The following WASHC4 variants were observed in gnomAD, a reference collection of about 807,000 sequenced individuals.
WASHC4 encodes WASH complex subunit 4.
In WASHC4, 86 loss-of-function variants were observed where a neutral mutation model predicts 166.6. That is an observed-to-expected ratio of 0.52 (90% confidence interval 0.43 to 0.62). The LOEUF is 0.62. WASHC4 is among the 20% of genes least tolerant of loss of function. WASHC4 has a pLI of 0.00. For synonymous variants in WASHC4, 446 were observed against 451.6 expected (o/e 0.99, Z 0.16); for missense variants, 1,262 against 1,382.4 (o/e 0.91, Z 1.38).
chr12:105,107,842 C>A lies in WASHC4; in HGVS notation c.42C>A (p.Arg14=). ...ETLSPDWEFD[R]VDDGSQKIHA... Reference sequence around the variant, plus strand: ...TGTCCCCGGACTGGGAGTTTGACCGCGTTGACGACGGCTCGCAGAGTAAGG... The same window carrying A: ...TGTCCCCGGACTGGGAGTTTGACCGAGTTGACGACGGCTCGCAGAGTAAGG... Residue 14 remains arginine (R), a synonymous_variant, in exon 1 of 33, where the codon CGC becomes CGA. Transcript: ENST00000332180. 1 of 1,550,722 alleles carries A rather than the reference C, an allele frequency of 6.4e-7. No individual in the cohort carries two copies. The highest frequency in any genetic ancestry group is 8.7e-7 in the Non-Finnish European group (1 of 1,146,294).
chr12:105,110,671 T>C (rs1406668458), intron 1 of WASHC4, among the ~76,000 whole-genome samples: 2 of 152,236 alleles, frequency 1.3e-5, no homozygotes, highest in African/African-American at 4.8e-5. Flanking sequence ...TATTAAACAT[T>C]AGTGTGTATA....
At position 105,168,094 on chromosome 12, in the gene WASHC4, A is replaced by AT. The variant is rs1555242775; in HGVS notation, c.*1170dup. ...CAAACACCATTTTGGGAAATGCTTGATTTTTTTCTATTGCATTTGTCTGCT... is the reference window on the plus strand; with the variant it reads ...CAAACACCATTTTGGGAAATGCTTGATTTTTTTTCTATTGCATTTGTCTGCT... On this transcript the variant is annotated 3_prime_UTR_variant, in exon 33 of 33. Coordinates refer to ENST00000332180, the MANE Select transcript of WASHC4 (RefSeq NM_015275.3). The AT allele has an allele frequency of 1.3e-5, 2 of 152,046 alleles. No individual in the cohort carries two copies. Among genetic ancestry groups the AT allele is most frequent in the Non-Finnish European group, 2.9e-5 (2 of 67,916 alleles). 9.4% of individuals were successfully genotyped at this position (152,046 alleles called of 1,614,324 possible).
chr12:105,140,979 A>G lies in WASHC4; in HGVS notation c.1641A>G (p.Leu547=), dbSNP rs144832145. 1,781 of 1,614,168 alleles carry G rather than the reference A, an allele frequency of 1.1e-3. 15 individuals carry two copies. The African/African-American group carries it at 0.02, about 18-fold the overall frequency. The change falls in exon 17 of 33, where the codon CTA becomes CTG. Residue 547 remains leucine, a synonymous_variant. Transcript: ENST00000332180. The stretch of plus-strand genomic sequence containing the variant: ...CTCTAGTTTTGGCTGAAAACACTCT[A>G]AATGGACCAAGCACAAAGCAACGGC... ...LSALVLAENT[L]NGPSTKQRRL... is the part of the protein sequence containing the mutation.
Position 105,167,102 on chromosome 12 carries a change from G to T in WASHC4, c.*171G>T, listed in dbSNP as rs1884854661. On this transcript the variant is annotated 3_prime_UTR_variant, in exon 33 of 33. Coordinates refer to ENST00000332180, the MANE Select transcript of WASHC4 (RefSeq NM_015275.3). ...AGTGAAGTTCATTCTGTTTCCAAAGGCTCTACTTTCAAAGGTTAAGAATGA... is the reference window on the plus strand; with the variant it reads ...AGTGAAGTTCATTCTGTTTCCAAAGTCTCTACTTTCAAAGGTTAAGAATGA... The T allele has an allele frequency of 1.7e-6, 1 of 598,026 alleles. No homozygotes were observed. The highest frequency in any genetic ancestry group is 3.0e-6 in the Non-Finnish European group (1 of 332,068). 37.0% of individuals were successfully genotyped at this position (598,026 alleles called of 1,614,324 possible).
At chr12:105,144,508 T>C in intron 21 of WASHC4, 53 bp downstream of exon 21, 1 of 1,268,276 alleles carries the variant, frequency 7.9e-7, no homozygotes, top group Non-Finnish European at 1.1e-6. Flanking sequence ...TTTTTTTTTT[T>C]ACCCTACTGT....
At chr12:105,130,643 G>A (rs1421074216) in intron 13 of WASHC4, among the ~76,000 whole-genome samples, 3 of 152,168 alleles carry the variant, frequency 2.0e-5, no homozygotes, top group Non-Finnish European at 4.4e-5. Context: ...GGTGTCCCAA[G>A]GTCAGGCTTC....
intron 15 of WASHC4, among the ~76,000 whole-genome samples, 166 bp from the exon 16 acceptor site, chr12:105,140,128 C>T (rs1478655564): frequency 1.3e-5 from 2 of 152,152 alleles, no homozygotes; most frequent in African/African-American, 4.8e-5. Flanking sequence ...GCCTCGACCT[C>T]CCAAAGTGCT....
chr12:105,139,232 C>T (rs900338162), intron 15 of WASHC4, among the ~76,000 whole-genome samples: 11 of 151,372 alleles, frequency 7.3e-5, no homozygotes, highest in Admixed American at 1.3e-4. Context: ...GGATAGACTT[C>T]GGGTTGTTTC....
chr12:105,140,362 C>A lies in WASHC4; in HGVS notation c.1521C>A (p.His507Gln). 1.2e-6 allele frequency: 2 copies of A among 1,613,716 alleles called. No individual in the cohort carries two copies. The highest frequency in any genetic ancestry group is 1.7e-6 in the Non-Finnish European group (2 of 1,179,648). Residue 507 changes from histidine (H) to glutamine (Q), a missense_variant, in exon 16 of 33, where the codon CAC becomes CAA. Coordinates refer to ENST00000332180, the MANE Select transcript of WASHC4 (RefSeq NM_015275.3). The stretch of plus-strand genomic sequence containing the variant: ...ATTCAGTTTCACATATAACACAGCA[C>A]CTTCAACATCAGGCTCTTCATTCTA... The part of the protein sequence containing the change: ...VADSVSHITQ[H>Q]LQHQALHSIS...
chr12:105,107,796 G>C lies in WASHC4; in HGVS notation c.-5G>C, dbSNP rs745429888. The C allele has an allele frequency of 2.5e-4, 385 of 1,550,280 alleles. 2 individuals carry two copies. The highest frequency in any genetic ancestry group is 3.2e-4 in the Non-Finnish European group (365 of 1,145,972). On this transcript the variant is annotated 5_prime_UTR_variant, in exon 1 of 33. Transcript: ENST00000332180. ...GGGGCTGTGTCTGTGGGAGGCGCCG[G>C]GGTGATGGCGGTGGAGACTCTGTCC...
intron 6 of WASHC4, among the ~76,000 whole-genome samples, chr12:105,117,268 T>G (rs535418754): frequency 6.6e-5 from 10 of 152,360 alleles, no homozygotes; most frequent in African/African-American, 2.2e-4. Flanking sequence ...TAACATTTTC[T>G]TGATTTATCT....
rs773807218 is a variant in WASHC4, at chr12:105,127,085, G to C, written c.1039-44G>C. 52 of 1,540,624 alleles carry C rather than the reference G, an allele frequency of 3.4e-5. No homozygotes were observed. The Middle Eastern group carries it at 6.7e-4, about 20-fold the overall frequency. On this transcript the variant is annotated intron_variant, in intron 12 of 32. Coordinates refer to ENST00000332180, the MANE Select transcript of WASHC4 (RefSeq NM_015275.3). ...GAACTTTTAAACAGCTTGTTGTTTA[G>C]CCTGCATTTAATGAATTTTCCCCTT...
intron 32 of WASHC4, 29 bp downstream of exon 32, chr12:105,164,769 C>G: frequency 6.9e-7 from 1 of 1,459,428 alleles, no homozygotes; most frequent in Middle Eastern, 1.7e-4. Context: ...TTTGGAAAGA[C>G]CAATAAATGT....
chr12:105,114,480 GTATGTGTTTATA>G, intron 4 of WASHC4, 53 bp downstream of exon 4: 2 of 1,181,362 alleles, frequency 1.7e-6, no homozygotes, highest in Non-Finnish European at 2.5e-6. Context: ...TTAGAAGCAA[GTATGTGTTTATA>G]TATGTACAGT....
intron 23 of WASHC4, 102 bp from the exon 24 acceptor site, chr12:105,146,940 T>C: frequency 2.7e-6 from 2 of 741,234 alleles, no homozygotes; most frequent in Non-Finnish European, 5.0e-6. Context: ...TCAATTAAAT[T>C]GTCTTTAATG....
chr12:105,126,061 A>C lies in WASHC4; in HGVS notation c.844A>C (p.Ser282Arg). ...TGGAGGAGTATCTGTGTCAAAAAATAGTACTTTTGCTGAGGAATTTGCACA... is the reference window on the plus strand; with the variant it reads ...TGGAGGAGTATCTGTGTCAAAAAATCGTACTTTTGCTGAGGAATTTGCACA... Reference protein sequence around the residue: ...LNGGVSVSKNSTFAEEFAHSI... With the variant: ...LNGGVSVSKNRTFAEEFAHSI... Residue 282 changes from serine (S) to arginine (R), a missense_variant, in exon 11 of 33, where the codon AGT becomes CGT. Coordinates refer to ENST00000332180, the MANE Select transcript of WASHC4 (RefSeq NM_015275.3). The C allele has an allele frequency of 1.9e-6, 3 of 1,612,782 alleles. No homozygotes were observed. The Admixed American group carries it at 5.0e-5, about 27-fold the overall frequency.
chr12:105,146,345 TA>T (rs1210860506), intron 22 of WASHC4, 106 bp from the exon 23 acceptor site: 1 of 745,748 alleles, frequency 1.3e-6, no homozygotes, highest in African/African-American at 1.8e-5. Flanking sequence ...TAAAATAACT[TA>T]AAAATTATTA....
Position 105,143,169 on chromosome 12 carries a change from C to T in WASHC4, c.1936C>T (p.His646Tyr), listed in dbSNP as rs1451446305. The T allele has an allele frequency of 6.2e-7, 1 of 1,611,598 alleles. No individual in the cohort carries two copies. Among genetic ancestry groups the T allele is most frequent in the Non-Finnish European group, 8.5e-7 (1 of 1,178,096 alleles). The stretch of plus-strand genomic sequence containing the variant: ...GCGCGACTGTGTACCTGCTATGATG[C>T]ATGCAAGGCATTTAGAGTCCTATGA... ...ALRDCVPAMM[H>Y]ARHLESYEIL... Residue 646 changes from histidine to tyrosine, a missense_variant, in exon 20 of 33, where the codon CAT becomes TAT. His to Tyr is a moderately conservative substitution (Grantham distance 83). Coordinates refer to ENST00000332180, the MANE Select transcript of WASHC4 (RefSeq NM_015275.3).
intron 1 of WASHC4, among the ~76,000 whole-genome samples, chr12:105,110,857 A>T (rs1234706477): frequency 6.6e-6 from 1 of 152,156 alleles, no homozygotes; most frequent in Non-Finnish European, 1.5e-5. Context: ...ATGGGGGTAG[A>T]TGGGCTAGTG....
Sources: gnomAD v4.1 joint callset for allele counts (sites outside exome capture counted in the v4.1 genomes callset) on GRCh38, gnomAD v4.1.1 for gene constraint, MANE v1.5 for transcripts, NCBI Gene and HGNC (gene_info 2026-07-23, HGNC 2026-07-21) for gene names.